ANTXR2: variants seen among roughly 807,000 people sequenced by gnomAD.
ANTXR2 encodes the protein ANTXR cell adhesion molecule 2, also known as anthrax toxin receptor 2.
A neutral mutation model predicts 73.7 loss-of-function variants in ANTXR2; 44 were observed. That is an observed-to-expected ratio of 0.60 (90% CI 0.47 to 0.77). ANTXR2 has a LOEUF of 0.77. Ranked by LOEUF, ANTXR2 falls within the 30% of genes least tolerant of loss-of-function variation. The probability of loss-of-function intolerance (pLI) is 0.00; values close to 1 mark genes in which losing one functional copy is unlikely to be tolerated. For synonymous variants in ANTXR2, 217 were observed against 205.9 expected, an observed-to-expected ratio of 1.05 and a Z score of -0.46; for missense variants, 604 against 592.5, an observed-to-expected ratio of 1.02 and a Z score of -0.20.
intron 16 of ANTXR2, among the ~76,000 whole-genome samples, chr4:79,911,429 G>T (rs1313703906): frequency 7.2e-5 from 11 of 151,954 alleles, no homozygotes; most frequent in African/African-American, 2.2e-4. Flanking sequence ...GGTTTAATAA[G>T]AAACTATTAA....
intron 11 of ANTXR2, among the ~76,000 whole-genome samples, chr4:80,016,368 T>A (rs1731871882): frequency 6.6e-6 from 1 of 152,094 alleles, no homozygotes; most frequent in Admixed American, 6.6e-5. Context: ...ATGCTCCCCA[T>A]CCCCTTTCTT....
intron 16 of ANTXR2, among the ~76,000 whole-genome samples, chr4:79,946,574 C>G (rs940355030): frequency 1.3e-5 from 2 of 152,058 alleles, no homozygotes; most frequent in Non-Finnish European, 2.9e-5. Context: ...AGGGGAATTT[C>G]CTGAAGAGGG....
rs559447955 is a variant in ANTXR2 at position 80,060,005 on chromosome 4, G to C, written c.297-3992C>G. On this transcript the variant is annotated intron_variant, in intron 3 of 16. Transcript: ENST00000403729. ...TACTTTTTCTTTCTACGATGTGTCT[G>C]TACAGTACTTGAACTTTCCAATGCA... Among the ~76,000 whole-genome samples, 10 of 152,256 alleles carry C rather than the reference G, an allele frequency of 6.6e-5. No individual in the cohort carries two copies. In the East Asian group the frequency reaches 1.9e-3, roughly 29 times the overall value.
Position 79,994,357 on chromosome 4 carries a change from G to A in ANTXR2, c.1042-9494C>T, listed in dbSNP as rs137915746. On this transcript the variant is annotated intron_variant, in intron 12 of 16. Coordinates refer to ENST00000403729, the MANE Select transcript of ANTXR2 (RefSeq NM_058172.6). ...CTAAATTTTATTGGAAAGACCTTAC[G>A]AATCATGCTTCCACTCTTAGTTTTG... is the stretch of plus-strand genomic sequence containing the variant. Among the ~76,000 whole-genome samples, 767 of 151,954 alleles carry A rather than the reference G, an allele frequency of 5.0e-3. 9 individuals carry two copies. Among genetic ancestry groups the A allele is most frequent in the African/African-American group, 0.017 (705 of 41,472 alleles).
chr4:80,019,210 T>C (rs1732037345), intron 10 of ANTXR2, among the ~76,000 whole-genome samples: 1 of 151,742 alleles, frequency 6.6e-6, no homozygotes. Context: ...CTAGTGAAAA[T>C]ACAAAAATTA....
intron 16 of ANTXR2, among the ~76,000 whole-genome samples, chr4:79,955,941 C>T (rs1347859416): frequency 1.3e-5 from 2 of 152,118 alleles, no homozygotes; most frequent in African/African-American, 2.4e-5. Flanking sequence ...TCTCTTGCTA[C>T]AGTTTGAAAA....
Position 79,907,190 on chromosome 4 carries a change from A to C in ANTXR2, c.*239T>G. On this transcript the variant is annotated 3_prime_UTR_variant, in exon 17 of 17. Coordinates refer to ENST00000403729, the MANE Select transcript of ANTXR2 (RefSeq NM_058172.6). ...AGGTCAATGTTCCTCTTTATTTTCA[A>C]TGTCATAAATCATGAGTTACCACTG... 1 of 558,516 alleles carries C rather than the reference A, an allele frequency of 1.8e-6. No homozygotes were observed. Among genetic ancestry groups the C allele is most frequent in the Non-Finnish European group, 3.1e-6 (1 of 320,016 alleles). The allele number at this position is 558,516 out of a possible 1,614,324, so 34.6% of individuals were successfully genotyped here.
At chr4:80,055,521 G>C in intron 4 of ANTXR2, 54 bp from the exon 5 acceptor site, 6 of 1,415,078 alleles carry the variant, frequency 4.2e-6, no homozygotes, top group Non-Finnish European at 5.9e-6. Flanking sequence ...CTTTTAACCA[G>C]CATGTTCCAT....
chr4:80,045,170 G>C lies in ANTXR2; in HGVS notation c.636+9102C>G, dbSNP rs183526364. 3.5e-3 allele frequency among the ~76,000 whole-genome samples: 528 copies of C among 151,690 alleles called. 3 individuals are homozygous for C. The highest frequency in any genetic ancestry group is 5.2e-3 in the Non-Finnish European group (355 of 67,774). ...ACAACATGAAGAGAAACAAACTTAA[G>C]TTATGTGTTATCTTCTTTTTAAAGT... On this transcript the variant is annotated intron_variant, in intron 7 of 16. Coordinates refer to ENST00000403729, the MANE Select transcript of ANTXR2 (RefSeq NM_058172.6).
chr4:79,998,922 T>C (rs978793413), intron 12 of ANTXR2, among the ~76,000 whole-genome samples: 2 of 152,034 alleles, frequency 1.3e-5, no homozygotes, highest in African/African-American at 4.8e-5. Flanking sequence ...GATAAAGGTC[T>C]CCAAATATCA....
chr4:80,071,468 G>A (rs1734781640), intron 2 of ANTXR2, 115 bp downstream of exon 2: 5 of 817,626 alleles, frequency 6.1e-6, no homozygotes, highest in South Asian at 2.9e-5. Flanking sequence ...CGACCTTGAG[G>A]CACTTAAAAG....
chr4:79,949,094 A>G (rs1316477151), intron 16 of ANTXR2, among the ~76,000 whole-genome samples: 2 of 152,140 alleles, frequency 1.3e-5, no homozygotes, highest in Non-Finnish European at 2.9e-5. Context: ...AAGAAGAAAA[A>G]TCCTTTTAAT....
intron 16 of ANTXR2, among the ~76,000 whole-genome samples, chr4:79,915,425 T>C (rs1446683360): frequency 6.6e-6 from 1 of 152,188 alleles, no homozygotes; most frequent in Non-Finnish European, 1.5e-5. Flanking sequence ...ACTAGCTATC[T>C]GCACAGGATG....
At chr4:79,972,410 C>A (rs1729452867) in intron 16 of ANTXR2, among the ~76,000 whole-genome samples, 1 of 658 alleles carries the variant, frequency 1.5e-3, no homozygotes, top group Non-Finnish European at 2.4e-3. Context: ...CCCAGCCATT[C>A]CATTACTGGG....
intron 12 of ANTXR2, among the ~76,000 whole-genome samples, chr4:79,995,470 C>G (rs1348127242): frequency 6.6e-6 from 1 of 151,666 alleles, no homozygotes; most frequent in Non-Finnish European, 1.5e-5. Flanking sequence ...TTTCCTGAAC[C>G]AATAAAGTCA....
intron 16 of ANTXR2, among the ~76,000 whole-genome samples, chr4:79,951,256 G>T (rs1429569983): frequency 6.6e-6 from 1 of 152,122 alleles, no homozygotes; most frequent in Non-Finnish European, 1.5e-5. Flanking sequence ...ATAGCTAAGT[G>T]CTAGTCTAAT....
intron 12 of ANTXR2, among the ~76,000 whole-genome samples, chr4:79,988,440 A>G (rs1730303570): frequency 6.6e-6 from 1 of 151,836 alleles, no homozygotes; most frequent in Admixed American, 6.6e-5. Flanking sequence ...CCATTCAACA[A>G]GAAGACTTAA....
At chr4:79,957,228 T>C (rs1304457844) in intron 16 of ANTXR2, among the ~76,000 whole-genome samples, 1 of 152,106 alleles carries the variant, frequency 6.6e-6, no homozygotes, top group African/African-American at 2.4e-5. Context: ...ATCATGTTAT[T>C]GTCCAATTCA....
At chr4:80,055,257 G>T (rs1489665690) in intron 5 of ANTXR2, 39 bp from the exon 6 acceptor site, 1 of 1,549,700 alleles carries the variant, frequency 6.5e-7, no homozygotes, top group East Asian at 2.4e-5. Context: ...AAAAAAGAGA[G>T]GGGAGAGGGA....
Sources: allele counts gnomAD v4.1 joint callset (sites outside exome capture counted in the v4.1 genomes callset), GRCh38; gene constraint gnomAD v4.1.1; transcripts MANE v1.5; gene names NCBI Gene and HGNC (gene_info 2026-07-23, HGNC 2026-07-21).